The following EPCIP variants were observed in gnomAD, a reference collection of about 807,000 sequenced individuals.
The protein encoded by EPCIP is exosomal polycystin 1 interacting protein.
chr21:32,794,303 A>G, the EPCIP span: 1 of 1,614,240 alleles, frequency 6.2e-7, no homozygotes, highest in Non-Finnish European at 8.5e-7. Flanking sequence ...GCAGTTCCGA[A>G]TGGTGTTTTC....
At chr21:32,791,180 C>A in the EPCIP span, 1 of 152,234 alleles carries the variant, frequency 6.6e-6, no homozygotes, top group African/African-American at 2.4e-5. Context: ...GCAGCACAAA[C>A]TGAACCATAT....
the EPCIP span, among the ~76,000 whole-genome samples, chr21:32,809,552 A>G: frequency 6.6e-6 from 1 of 151,820 alleles, no homozygotes; most frequent in Non-Finnish European, 1.5e-5. Context: ...AATTTTTTGT[A>G]GAGACACAGA....
chr21:32,791,542 A>G, the EPCIP span: 5 of 151,776 alleles, frequency 3.3e-5, no homozygotes, highest in South Asian at 1.0e-3. Flanking sequence ...TTTCACTTTA[A>G]CATTATCTGC....
At chr21:32,803,145 C>G in the EPCIP span, among the ~76,000 whole-genome samples, 7 of 152,310 alleles carry the variant, frequency 4.6e-5, no homozygotes, top group African/African-American at 1.7e-4. Flanking sequence ...ATGTGCCTTC[C>G]TCTTAACTCC....
chr21:32,808,879 A>G, the EPCIP span, among the ~76,000 whole-genome samples: 1 of 152,166 alleles, frequency 6.6e-6, no homozygotes, highest in African/African-American at 2.4e-5. Context: ...AAAAGAGTGA[A>G]TCCTGATCTC....
chr21:32,798,898 G>A, the EPCIP span: 15 of 152,188 alleles, frequency 9.9e-5, no homozygotes, highest in African/African-American at 3.6e-4. Flanking sequence ...GGGAGGCAGA[G>A]GTTTCAGTGA....
chr21:32,790,842 A>G, the EPCIP span: 3 of 152,230 alleles, frequency 2.0e-5, no homozygotes, highest in Non-Finnish European at 4.4e-5. Context: ...GGCTACCATT[A>G]ACATAGTTTG....
chr21:32,793,807 G>A, the EPCIP span: 2 of 1,614,180 alleles, frequency 1.2e-6, no homozygotes, highest in Non-Finnish European at 1.7e-6. Flanking sequence ...TTGGCATTGG[G>A]AAGGTTCTAA....
the EPCIP span, among the ~76,000 whole-genome samples, chr21:32,804,275 T>TTATATATATATATATATATATATATA: frequency 2.6e-4 from 36 of 140,928 alleles, 1 homozygote; most frequent in African/African-American, 9.0e-4. Context: ...ATGCATGTGA[T>TTATATATATATATATATATATATATA]TATATATATA....
At chr21:32,797,887 GTTCTTCATTTA>G in the EPCIP span, 1 of 152,198 alleles carries the variant, frequency 6.6e-6, no homozygotes, top group South Asian at 2.1e-4. Context: ...ATGTCTGTCC[GTTCTTCATTTA>G]TTCTTTCTCA....
chr21:32,803,175 T>C, the EPCIP span, among the ~76,000 whole-genome samples: 1 of 152,170 alleles, frequency 6.6e-6, no homozygotes, highest in South Asian at 2.1e-4. Flanking sequence ...CATTCTTTTC[T>C]TTCCAGGAGC....
chr21:32,801,872 G>T, the EPCIP span, among the ~76,000 whole-genome samples: 5 of 152,108 alleles, frequency 3.3e-5, no homozygotes, highest in African/African-American at 1.2e-4. Context: ...TGCAGATGGA[G>T]TGGTGGTAAG....
At chr21:32,794,893 G>A in the EPCIP span, among the ~76,000 whole-genome samples, 13 of 152,182 alleles carry the variant, frequency 8.5e-5, no homozygotes, top group Non-Finnish European at 1.3e-4. Context: ...AAAAACCCCT[G>A]AACATGACAT....
At chr21:32,810,133 C>T in the EPCIP span, among the ~76,000 whole-genome samples, 1 of 151,994 alleles carries the variant, frequency 6.6e-6, no homozygotes, top group Non-Finnish European at 1.5e-5. Flanking sequence ...ACTTAGTTGC[C>T]TCCCCCTTCT....
chr21:32,798,818 G>A, the EPCIP span: 4 of 152,052 alleles, frequency 2.6e-5, no homozygotes, highest in African/African-American at 9.7e-5. Flanking sequence ...ACAAAAATTA[G>A]CCAGGCAGGG....
chr21:32,809,293 T>C, the EPCIP span, among the ~76,000 whole-genome samples: 5 of 126,824 alleles, frequency 3.9e-5, no homozygotes, highest in Non-Finnish European at 5.0e-5. Context: ...TCTTTCTTTC[T>C]TTCTTTCTTT....
chr21:32,793,114 T>C, the EPCIP span, among the ~76,000 whole-genome samples: 2 of 151,946 alleles, frequency 1.3e-5, no homozygotes, highest in African/African-American at 4.8e-5. Context: ...TGTGCCACCA[T>C]GCCCGGCTAA....
the EPCIP span, among the ~76,000 whole-genome samples, chr21:32,812,788 T>C: frequency 6.6e-6 from 1 of 152,198 alleles, no homozygotes; most frequent in Non-Finnish European, 1.5e-5. Flanking sequence ...ACATACTTTT[T>C]GCTAAAAGCT....
chr21:32,813,006 T>G, the EPCIP span, among the ~76,000 whole-genome samples: 1 of 152,212 alleles, frequency 6.6e-6, no homozygotes, highest in Non-Finnish European at 1.5e-5. Context: ...TTCTTTTCTT[T>G]GTTTTCTAAT....
Sources: allele counts gnomAD v4.1 joint callset (sites outside exome capture counted in the v4.1 genomes callset), GRCh38; gene constraint gnomAD v4.1.1; transcripts MANE v1.5; gene names NCBI Gene and HGNC (gene_info 2026-07-23, HGNC 2026-07-21).